Variants in MUC12 observed in about 807,000 individuals in gnomAD.
MUC12 encodes the protein mucin-12.
In MUC12, 172 loss-of-function variants were observed where a neutral mutation model predicts 230.8. The ratio of observed to expected loss-of-function variants is 0.75; its 90% CI spans 0.66 to 0.85. The LOEUF (loss-of-function observed/expected upper bound fraction) is 0.85, where lower values mean the gene tolerates loss of function less well. MUC12 is among the 40% of genes least tolerant of loss of function. MUC12 has a pLI of 0.00. For synonymous variants in MUC12, 1,259 were observed against 2,401.9 expected, an observed-to-expected ratio of 0.52 and a Z score of 13.91; for missense variants, 3,506 against 5,920.6, an observed-to-expected ratio of 0.59 and a Z score of 13.38.
intron 1 of MUC12, among the ~76,000 whole-genome samples, chr7:100,970,052 A>G (rs1792828753): frequency 6.6e-6 from 1 of 152,308 alleles, no homozygotes. Flanking sequence ...TGCTGGAGGG[A>G]TGGGTCTTTC....
intron 1 of MUC12, among the ~76,000 whole-genome samples, chr7:100,975,372 T>A (rs1793009798): frequency 6.6e-6 from 1 of 152,310 alleles, no homozygotes; most frequent in African/African-American, 2.4e-5. Flanking sequence ...GTGGAAATGG[T>A]TAACACCTAT....
At chr7:100,979,607 C>T (rs1353749931) in intron 1 of MUC12, among the ~76,000 whole-genome samples, 1 of 151,914 alleles carries the variant, frequency 6.6e-6, no homozygotes, top group African/African-American at 2.4e-5. Flanking sequence ...TGGTGAAACC[C>T]CATCTCTACT....
intron 1 of MUC12, chr7:100,972,197 G>A: frequency 1.4e-6 from 1 of 703,148 alleles, no homozygotes; most frequent in South Asian, 1.5e-5. Flanking sequence ...AAGGAAGTCG[G>A]GGCAGATGAG....
chr7:101,007,586 TC>T (rs1175122189), intron 3 of MUC12, among the ~76,000 whole-genome samples: 2 of 152,350 alleles, frequency 1.3e-5, no homozygotes, highest in East Asian at 3.9e-4. Flanking sequence ...AGGATCTCAT[TC>T]TTTTTGATGG....
intron 1 of MUC12, among the ~76,000 whole-genome samples, chr7:100,989,778 C>A (rs1793249602): frequency 6.6e-6 from 1 of 151,986 alleles, no homozygotes; most frequent in Non-Finnish European, 1.5e-5. Flanking sequence ...GCAACCTCCA[C>A]CTCCTGGGTT....
At position 100,990,784 on chromosome 7, in the gene MUC12, A is replaced by C. The variant is rs1163776870; in HGVS notation, c.221A>C (p.Asn74Thr). ...ATKHFLDSST[N>T]SGHSEESTVS... ...AAACACTTCCTTGACAGCTCCACAA[A>C]CTCAGGCCACAGTGAGGAATCAACA... Residue 74 changes from asparagine (N) to threonine (T), a missense_variant, in exon 2 of 12, where the codon AAC (asparagine) becomes ACC (threonine). Asn to Thr is a moderately conservative substitution (Grantham distance 65, BLOSUM62 0). Coordinates refer to ENST00000536621, the MANE Select transcript of MUC12 (RefSeq NM_001164462.2). The C allele has an allele frequency of 4.6e-6, 7 of 1,537,514 alleles. No homozygotes were observed. Among genetic ancestry groups the C allele is most frequent in the Admixed American group, 2.0e-5 (1 of 50,964 alleles).
In MUC12 at chr7:100,991,042, G is replaced by T. The variant is rs1423781972; in HGVS notation, c.479G>T (p.Gly160Val). The T allele has an allele frequency of 1.3e-6, 2 of 1,537,582 alleles. No homozygotes were observed. The highest frequency in any genetic ancestry group is 1.7e-6 in the Non-Finnish European group (2 of 1,146,892). Residue 160 changes from glycine to valine, a missense_variant, in exon 2 of 12, where the codon GGC (glycine) becomes GTC (valine). Physicochemically the swap from Gly to Val is moderately radical, Grantham distance 109. Coordinates refer to ENST00000536621, the MANE Select transcript of MUC12 (RefSeq NM_001164462.2). ...TCACCTGCCCGCACGACAAGCTCAG[G>T]CGTCAGTGAAAAATCAACCACCTCC... ...TLSPARTTSS[G>V]VSEKSTTSHS...
rs1314753598 is a variant in MUC12 at position 100,991,018 on chromosome 7, C to T, written c.455C>T (p.Ser152Leu). The T allele has an allele frequency of 1.0e-5, 16 of 1,537,770 alleles. No homozygotes were observed. The highest frequency in any genetic ancestry group is 1.0e-5 in the Non-Finnish European group (12 of 1,147,056). ...SSPRSPDRTLSPARTTSSGVS... is the reference protein window; with the variant it reads ...SSPRSPDRTLLPARTTSSGVS... ...CCCAGATCACCAGACAGAACACTCT[C>T]ACCTGCCCGCACGACAAGCTCAGGC... Residue 152 changes from serine to leucine, a missense_variant, in exon 2 of 12, where the codon TCA (serine) becomes TTA (leucine). Ser to Leu is a moderately radical substitution (Grantham distance 145). Coordinates refer to ENST00000536621, the MANE Select transcript of MUC12 (RefSeq NM_001164462.2).
rs766992535 is a variant in MUC12 at position 100,995,644 on chromosome 7, G to A, written c.5081G>A (p.Ser1694Asn). The change falls in exon 2 of 12, where the codon AGC becomes AAC. Residue 1694 changes from serine (S) to asparagine (N), a missense_variant. By Grantham distance (46) the Ser-to-Asn change is conservative. Transcript: ENST00000536621. Reference sequence around the variant, plus strand: ...TCTACCACCTTCCAGAGCTGGCCAAGCTCAAAGGACACTATGCCTGCACCT... The same window carrying A: ...TCTACCACCTTCCAGAGCTGGCCAAACTCAAAGGACACTATGCCTGCACCT... The part of the protein sequence containing the change: ...GESTTFQSWP[S>N]SKDTMPAPPT... 679 of 1,536,702 alleles carry A rather than the reference G, an allele frequency of 4.4e-4. 1 individual carries two copies. Among genetic ancestry groups the A allele is most frequent in the Non-Finnish European group, 5.4e-4 (621 of 1,147,004 alleles).
At chr7:101,012,080 T>A (rs555812926) in intron 5 of MUC12, among the ~76,000 whole-genome samples, 1 of 152,200 alleles carries the variant, frequency 6.6e-6, no homozygotes, top group African/African-American at 2.4e-5. Context: ...ATTTCACTCA[T>A]TGGCATTTAT....
intron 2 of MUC12, among the ~76,000 whole-genome samples, chr7:101,006,263 T>C (rs1224919874): frequency 1.3e-5 from 2 of 152,188 alleles, no homozygotes; most frequent in African/African-American, 4.8e-5. Context: ...CTTGTATCTT[T>C]TGTTTCCTTA....
At chr7:101,010,367 C>T (rs529538161) in intron 5 of MUC12, among the ~76,000 whole-genome samples, 16 of 152,172 alleles carry the variant, frequency 1.1e-4, no homozygotes, top group Middle Eastern at 3.4e-3. Context: ...GGCAGGGTCT[C>T]GCTCTCTTGC....
At chr7:100,988,336 C>T (rs974674256) in intron 1 of MUC12, among the ~76,000 whole-genome samples, 13 of 151,672 alleles carry the variant, frequency 8.6e-5, no homozygotes, top group Non-Finnish European at 1.9e-4. Flanking sequence ...TGTGGCACCT[C>T]CCCTACCCTC....
Position 101,004,797 on chromosome 7 carries a change from C to T in MUC12, c.14234C>T (p.Ser4745Phe), listed in dbSNP as rs190457623. ...SAKSTILYSSSRSPDQTLSPA... is the reference protein window; with the variant it reads ...SAKSTILYSSFRSPDQTLSPA... The stretch of plus-strand genomic sequence containing the variant: ...AAATCTACCATCCTTTACAGTAGCT[C>T]CAGATCACCAGACCAAACACTCTCA... Residue 4745 changes from serine to phenylalanine, a missense_variant, in exon 2 of 12, where the codon TCC becomes TTC. Transcript: ENST00000536621. 21 of 1,537,586 alleles carry T rather than the reference C, an allele frequency of 1.4e-5. No individual in the cohort carries two copies. The African/African-American group carries it at 2.3e-4, about 17-fold the overall frequency.
Position 101,008,753 on chromosome 7 carries a change from A to G in MUC12, c.15178A>G (p.Lys5060Glu). The G allele has an allele frequency of 6.5e-7, 1 of 1,537,072 alleles. No individual in the cohort carries two copies. The highest frequency in any genetic ancestry group is 1.7e-4 in the Middle Eastern group (1 of 5,988). The change falls in exon 4 of 12, where the codon AAG becomes GAG. Residue 5060 changes from lysine to glutamate, a missense_variant. Physicochemically the swap from Lys to Glu is moderately conservative, Grantham distance 56. Transcript: ENST00000536621. ...QEYQNFSTLF[K>E]NRMDVVLKGD... ...ATACCAGAACTTCAGTACCCTCTTC[A>G]AGAATCGGGTAAGACCAGGGCACAC...
In MUC12 at chr7:101,004,646, A is replaced by T. The variant is rs774444898; in HGVS notation, c.14083A>T (p.Ile4695Phe). Residue 4695 changes from isoleucine (I) to phenylalanine (F), a missense_variant, in exon 2 of 12, where the codon ATC becomes TTC. Coordinates refer to ENST00000536621, the MANE Select transcript of MUC12 (RefSeq NM_001164462.2). ...CCACAGCAGCCCAGATACAAATGGA[A>T]TCACACCCTTACCTGCCCATTTTAC... ...ASHSSPDTNG[I>F]TPLPAHFTTS... is the part of the protein sequence containing the mutation. 3.3e-6 allele frequency: 5 copies of T among 1,537,316 alleles called. No homozygotes were observed. Among genetic ancestry groups the T allele is most frequent in the South Asian group, 2.4e-5 (2 of 84,048 alleles).
At chr7:101,007,159 A>G (rs1276357792) in intron 3 of MUC12, among the ~76,000 whole-genome samples, 3 of 152,094 alleles carry the variant, frequency 2.0e-5, no homozygotes, top group Admixed American at 6.6e-5. Flanking sequence ...GAGTTTCACC[A>G]TATTGGCCAG....
rs1793714288 is a variant in MUC12, at chr7:101,004,890, C to G, written c.14327C>G (p.Thr4776Arg). The G allele has an allele frequency of 6.5e-7, 1 of 1,537,752 alleles. No homozygotes were observed. The highest frequency in any genetic ancestry group is 1.4e-5 in the African/African-American group (1 of 73,028). The change falls in exon 2 of 12, where the codon ACA (threonine) becomes AGA (arginine). Residue 4776 changes from threonine to arginine, a missense_variant. Coordinates refer to ENST00000536621, the MANE Select transcript of MUC12 (RefSeq NM_001164462.2). ...PTSLYSQAES[T>R]HTTAFPASTT... ...AGCTTGTATAGCCAAGCAGAGTCAA[C>G]ACACACAACAGCGTTCCCTGCCAGC...
At chr7:100,973,321 T>C (rs1792951100) in intron 1 of MUC12, among the ~76,000 whole-genome samples, 2 of 152,112 alleles carry the variant, frequency 1.3e-5, no homozygotes, top group Admixed American at 1.3e-4. Context: ...GAGCCTCTTT[T>C]TGCTGGATGA....
Sources: gnomAD v4.1 joint callset for allele counts (sites outside exome capture counted in the v4.1 genomes callset) on GRCh38, gnomAD v4.1.1 for gene constraint, MANE v1.5 for transcripts, NCBI Gene and HGNC (gene_info 2026-07-23, HGNC 2026-07-21) for gene names.